SLC5A8: variants seen among roughly 807,000 people sequenced by gnomAD.
SLC5A8 encodes sodium-coupled monocarboxylate transporter 1.
A neutral mutation model predicts 71.9 loss-of-function variants in SLC5A8; 55 were observed. The ratio of observed to expected loss-of-function variants is 0.77; its 90% CI spans 0.62 to 0.96. The LOEUF (loss-of-function observed/expected upper bound fraction) is 0.96, where lower values mean the gene tolerates loss of function less well. SLC5A8 is among the 40% of genes least tolerant of loss of function. SLC5A8 has a pLI of 0.00. For synonymous variants in SLC5A8, 307 were observed against 276.1 expected (o/e 1.11, Z -1.11); for missense variants, 701 against 745.3 (o/e 0.94, Z 0.69).
Position 101,167,538 on chromosome 12 carries a change from C to T in SLC5A8, c.1320+558G>A, listed in dbSNP as rs75906499. 3.2e-3 allele frequency among the ~76,000 whole-genome samples: 494 copies of T among 152,328 alleles called. 1 individual carries two copies. Among genetic ancestry groups the T allele is most frequent in the Middle Eastern group, 0.017 (5 of 294 alleles). On this transcript the variant is annotated intron_variant, in intron 11 of 14. Transcript: ENST00000536262. ...CATTTATTCCAAACAAAAGTTAGCA[C>T]TTCTAAGCACAGATATGTCTAGGTA...
intron 13 of SLC5A8, among the ~76,000 whole-genome samples, chr12:101,160,205 A>C (rs1248472476): frequency 6.6e-6 from 1 of 152,136 alleles, no homozygotes; most frequent in East Asian, 1.9e-4. Context: ...ACAACAACAA[A>C]AATCTGTCTG....
intron 8 of SLC5A8, among the ~76,000 whole-genome samples, chr12:101,183,624 C>T (rs1178060908): frequency 1.3e-5 from 2 of 152,074 alleles, no homozygotes; most frequent in Non-Finnish European, 2.9e-5. Context: ...TATTAATTTC[C>T]TGAATCCCCA....
chr12:101,162,100 G>C (rs1566305177), intron 12 of SLC5A8, 23 bp from the exon 13 acceptor site: 3 of 1,540,546 alleles, frequency 1.9e-6, no homozygotes, highest in Non-Finnish European at 2.7e-6. Flanking sequence ...AAACACAACG[G>C]TAAGATTTCA....
chr12:101,185,249 C>T (rs529020546), intron 7 of SLC5A8, among the ~76,000 whole-genome samples: 2 of 152,274 alleles, frequency 1.3e-5, no homozygotes, highest in South Asian at 2.1e-4. Flanking sequence ...GCATTTATCC[C>T]TATATGAGAT....
chr12:101,207,483 T>C (rs1869722087), intron 1 of SLC5A8, among the ~76,000 whole-genome samples: 1 of 152,218 alleles, frequency 6.6e-6, no homozygotes, highest in Non-Finnish European at 1.5e-5. Context: ...TTTTGCTTTT[T>C]GACATTTTTA....
chr12:101,204,367 TC>T (rs2137171087), intron 2 of SLC5A8, 132 bp downstream of exon 2: 1 of 727,198 alleles, frequency 1.4e-6, no homozygotes, highest in Non-Finnish European at 2.4e-6. Context: ...CAAGTGTTTT[TC>T]CTTTTTTGTT....
rs1869852203 is a variant in SLC5A8, at chr12:101,209,836, G to C, written c.13C>G (p.Arg5Gly). The change falls in exon 1 of 15, where the codon CGG becomes GGG. Residue 5 changes from arginine (R) to glycine (G), a missense_variant. Physicochemically the swap from Arg to Gly is moderately radical, Grantham distance 125. Transcript: ENST00000536262. MDTP[R>G]GIGTFVVWDY... Reference sequence around the variant, plus strand: ...CACACCACGAAGGTGCCGATGCCCCGTGGCGTGTCCATGGCCGCACGGTCG... The same window carrying C: ...CACACCACGAAGGTGCCGATGCCCCCTGGCGTGTCCATGGCCGCACGGTCG... 1 of 1,562,006 alleles carries C rather than the reference G, an allele frequency of 6.4e-7. No individual in the cohort carries two copies. The highest frequency in any genetic ancestry group is 1.2e-5 in the South Asian group (1 of 83,046).
Position 101,157,145 on chromosome 12 carries a change from G to T in SLC5A8, c.*134C>A. The T allele has an allele frequency of 9.6e-7, 1 of 1,045,478 alleles. No homozygotes were observed. The highest frequency in any genetic ancestry group is 1.3e-6 in the Non-Finnish European group (1 of 751,496). 64.8% of individuals were successfully genotyped at this position (1,045,478 alleles called of 1,614,324 possible). A position where few individuals can be genotyped will look rare whatever the true frequency, so the allele number is the denominator to read the frequency against. On this transcript the variant is annotated 3_prime_UTR_variant, in exon 15 of 15. Coordinates refer to ENST00000536262, the MANE Select transcript of SLC5A8 (RefSeq NM_145913.5). The stretch of plus-strand genomic sequence containing the variant: ...AGTAAATGAAGATAGTCCAGACTTT[G>T]TTTTAACAAAAACTTATCCCCCAAA...
chr12:101,176,099 A>C (rs2051877495), intron 10 of SLC5A8, among the ~76,000 whole-genome samples: 1 of 152,016 alleles, frequency 6.6e-6, no homozygotes, highest in Admixed American at 6.5e-5. Context: ...TGCTGTCTAC[A>C]AAAAAACTCA....
At chr12:101,190,338 A>G in intron 6 of SLC5A8, 130 bp downstream of exon 6, 1 of 1,021,008 alleles carries the variant, frequency 9.8e-7, no homozygotes, top group Non-Finnish European at 1.4e-6. Flanking sequence ...TTTGTAACCA[A>G]ATATATCATT....
chr12:101,180,906 T>C (rs1043109600), intron 9 of SLC5A8, among the ~76,000 whole-genome samples: 2 of 152,174 alleles, frequency 1.3e-5, no homozygotes, highest in Non-Finnish European at 2.9e-5. Flanking sequence ...GATTGTGGAA[T>C]ATTTTTTTCT....
rs553947053 is a variant in SLC5A8, at chr12:101,189,267, G to A, written c.833+1201C>T. 5.3e-5 allele frequency among the ~76,000 whole-genome samples: 8 copies of A among 152,088 alleles called. No individual in the cohort carries two copies. The East Asian group carries it at 7.7e-4, about 15-fold the overall frequency. ...ATAAATTACATTCCTCCAATATTCC[G>A]TAAAATACCAGAATTCCTAAGTTCA... On this transcript the variant is annotated intron_variant, in intron 6 of 14. Transcript: ENST00000536262.
intron 3 of SLC5A8, among the ~76,000 whole-genome samples, chr12:101,201,473 T>A (rs1869451896): frequency 6.6e-6 from 1 of 152,196 alleles, no homozygotes; most frequent in South Asian, 2.1e-4. Flanking sequence ...TTAGAGAAAT[T>A]CACTTCGAAT....
intron 7 of SLC5A8, 138 bp downstream of exon 7, chr12:101,187,248 A>C: frequency 1.0e-6 from 1 of 980,084 alleles, no homozygotes; most frequent in Non-Finnish European, 1.4e-6. Context: ...AATTCTTAAC[A>C]AAGTTTTATA....
rs1437058251 is a variant in SLC5A8 at position 101,156,868 on chromosome 12, T to G, written c.*411A>C. 1.2e-5 allele frequency: 2 copies of G among 165,138 alleles called. No individual in the cohort carries two copies. The highest frequency in any genetic ancestry group is 4.8e-5 in the African/African-American group (2 of 41,740). The allele number at this position is 165,138 out of a possible 1,614,324, so 10.2% of individuals were successfully genotyped here. On this transcript the variant is annotated 3_prime_UTR_variant, in exon 15 of 15. Transcript: ENST00000536262. ...GTGGTAGGAGGGAAAAAAGCTCTTT[T>G]CAAGATGAATTGTGATGTTGGCAAA...
Position 101,157,139 on chromosome 12 carries a change from G to T in SLC5A8, c.*140C>A. On this transcript the variant is annotated 3_prime_UTR_variant, in exon 15 of 15. Coordinates refer to ENST00000536262, the MANE Select transcript of SLC5A8 (RefSeq NM_145913.5). ...TGATGTAGTAAATGAAGATAGTCCA[G>T]ACTTTGTTTTAACAAAAACTTATCC... The T allele has an allele frequency of 1.1e-6, 1 of 925,274 alleles. No homozygotes were observed. Among genetic ancestry groups the T allele is most frequent in the Non-Finnish European group, 1.6e-6 (1 of 643,548 alleles). 57.3% of individuals were successfully genotyped at this position (925,274 alleles called of 1,614,324 possible).
intron 10 of SLC5A8, among the ~76,000 whole-genome samples, chr12:101,174,045 C>G (rs1234574970): frequency 1.3e-5 from 2 of 152,196 alleles, no homozygotes; most frequent in East Asian, 3.9e-4. Context: ...ATGTAGAAGG[C>G]AGCAACAGGC....
At position 101,166,629 on chromosome 12, in the gene SLC5A8, G is replaced by A. The variant is rs2051773624; in HGVS notation, c.1391C>T (p.Pro464Leu). The A allele has an allele frequency of 6.2e-7, 1 of 1,613,672 alleles. No individual in the cohort carries two copies. The highest frequency in any genetic ancestry group is 8.5e-7 in the Non-Finnish European group (1 of 1,179,902). Residue 464 changes from proline (P) to leucine (L), a missense_variant, in exon 12 of 15, where the codon CCT (proline) becomes CTT (leucine). Coordinates refer to ENST00000536262, the MANE Select transcript of SLC5A8 (RefSeq NM_145913.5). ...LWVGIGAQIY[P>L]PLPERTLPLH... ...TGGCAATGTTCTCTCAGGAAGTGGA[G>A]GATATATTTGAGCTCCAATTCCAAC...
intron 9 of SLC5A8, among the ~76,000 whole-genome samples, chr12:101,182,416 A>C (rs576929009): frequency 6.6e-6 from 1 of 152,316 alleles, no homozygotes; most frequent in South Asian, 2.1e-4. Flanking sequence ...GTTACAAACT[A>C]GGGATATTTC....
Sources: allele counts gnomAD v4.1 joint callset (sites outside exome capture counted in the v4.1 genomes callset), GRCh38; gene constraint gnomAD v4.1.1; transcripts MANE v1.5; gene names NCBI Gene and HGNC (gene_info 2026-07-23, HGNC 2026-07-21).